Variants in ANK3 observed in about 807,000 individuals in gnomAD.
ANK3 encodes the protein ankyrin 3, also known as ankyrin-3.
In ANK3, 57 loss-of-function variants were observed where a neutral mutation model predicts 370.9. That is an observed-to-expected ratio of 0.15 (90% CI 0.12 to 0.19). The LOEUF is 0.19. Among genes scored for constraint, ANK3 ranks in the 10% least tolerant of loss-of-function variants. The probability of loss-of-function intolerance (pLI) is 1.00; values close to 1 mark genes in which losing one functional copy is unlikely to be tolerated. For missense variants in ANK3, 4,439 were observed against 5,302.1 expected, an observed-to-expected ratio of 0.84 and a Z score of 5.06; for synonymous variants, 1,929 against 1,946.3, an observed-to-expected ratio of 0.99 and a Z score of 0.23.
intron 1 of ANK3, among the ~76,000 whole-genome samples, chr10:60,365,298 A>G (rs2059243006): frequency 6.6e-6 from 1 of 152,112 alleles, no homozygotes; most frequent in African/African-American, 2.4e-5. Flanking sequence ...TTATGAAGTT[A>G]TAGATCCCCA....
intron 2 of ANK3, among the ~76,000 whole-genome samples, chr10:60,535,285 T>C (rs893772185): frequency 1.3e-5 from 2 of 152,072 alleles, no homozygotes; most frequent in South Asian, 2.1e-4. Flanking sequence ...ATGAGCCACA[T>C]CCAGAAAGGG....
chr10:60,107,894 G>C (rs1269042043), intron 27 of ANK3, among the ~76,000 whole-genome samples: 1 of 152,110 alleles, frequency 6.6e-6, no homozygotes, highest in Admixed American at 6.5e-5. Flanking sequence ...ATATTCAGAA[G>C]AAACATTTCA....
intron 1 of ANK3, among the ~76,000 whole-genome samples, chr10:60,668,621 G>A (rs546165124): frequency 6.6e-6 from 1 of 152,286 alleles, no homozygotes; most frequent in East Asian, 1.9e-4. Context: ...ACTGGGAGAT[G>A]GGAGGAAGTT....
intron 1 of ANK3, among the ~76,000 whole-genome samples, chr10:60,652,484 A>G (rs915294016): frequency 6.6e-6 from 1 of 152,062 alleles, no homozygotes. Flanking sequence ...TTATTAAGAA[A>G]AAGAACCTTA....
intron 2 of ANK3, among the ~76,000 whole-genome samples, chr10:60,558,297 T>C (rs554164776): frequency 3.3e-5 from 5 of 152,342 alleles, no homozygotes; most frequent in Admixed American, 6.5e-5. Flanking sequence ...AGGTATATTG[T>C]CTTAAAATAC....
At chr10:60,258,752 G>C (rs1476879652) in intron 7 of ANK3, among the ~76,000 whole-genome samples, 1 of 152,108 alleles carries the variant, frequency 6.6e-6, no homozygotes, top group East Asian at 1.9e-4. Context: ...GTGCTATAAA[G>C]AACTGCAAGA....
intron 1 of ANK3, among the ~76,000 whole-genome samples, chr10:60,707,911 A>G (rs1351891862): frequency 6.6e-5 from 10 of 152,092 alleles, no homozygotes; most frequent in Non-Finnish European, 1.3e-4. Context: ...AACAAAAAGG[A>G]AAAAAAGGGA....
chr10:60,664,302 C>T (rs1414483514), intron 1 of ANK3, among the ~76,000 whole-genome samples: 1 of 152,128 alleles, frequency 6.6e-6, no homozygotes, highest in African/African-American at 2.4e-5. Context: ...TATAATTGTA[C>T]ATGAAATAAT....
At chr10:60,652,940 C>T (rs559193225) in intron 1 of ANK3, among the ~76,000 whole-genome samples, 37 of 152,198 alleles carry the variant, frequency 2.4e-4, no homozygotes, top group Admixed American at 1.9e-3. Flanking sequence ...ACACCACTCA[C>T]GATGGTGAGC....
intron 2 of ANK3, among the ~76,000 whole-genome samples, chr10:60,429,325 A>AAAGG (rs1477966512): frequency 6.6e-6 from 1 of 152,160 alleles, no homozygotes; most frequent in African/African-American, 2.4e-5. Flanking sequence ...AGTAAGAAAG[A>AAAGG]AAGGAAGTAA....
At chr10:60,592,347 T>A (rs1001917192) in intron 2 of ANK3, among the ~76,000 whole-genome samples, 2 of 152,218 alleles carry the variant, frequency 1.3e-5, no homozygotes, top group Non-Finnish European at 2.9e-5. Context: ...GGACAATGAA[T>A]TAGACAGTAA....
chr10:60,358,957 A>G (rs1438029468), intron 1 of ANK3, among the ~76,000 whole-genome samples: 1 of 152,150 alleles, frequency 6.6e-6, no homozygotes, highest in Non-Finnish European at 1.5e-5. Flanking sequence ...CTTTCTAGTT[A>G]CTACCTACCC....
intron 43 of ANK3, among the ~76,000 whole-genome samples, chr10:60,031,405 G>A (rs568916244): frequency 6.6e-6 from 1 of 152,056 alleles, no homozygotes; most frequent in South Asian, 2.1e-4. Context: ...TTTGGCAGAG[G>A]TTTTCATACT....
At chr10:60,557,636 G>A (rs925472549) in intron 2 of ANK3, among the ~76,000 whole-genome samples, 1 of 152,076 alleles carries the variant, frequency 6.6e-6, no homozygotes, top group South Asian at 2.1e-4. Context: ...AATGTATTTT[G>A]CAATATAATA....
chr10:60,065,957 C>T (rs1233536551), intron 38 of ANK3, among the ~76,000 whole-genome samples: 1 of 152,006 alleles, frequency 6.6e-6, no homozygotes, highest in African/African-American at 2.4e-5. Context: ...TACAAATAAG[C>T]AGATTACATT....
At chr10:60,275,545 G>A (rs1466492790) in intron 4 of ANK3, among the ~76,000 whole-genome samples, 9 of 152,032 alleles carry the variant, frequency 5.9e-5, no homozygotes, top group African/African-American at 1.4e-4. Flanking sequence ...ATTCATATAC[G>A]TTACTAATTT....
At chr10:60,372,856 T>A (rs1244529028) in intron 1 of ANK3, among the ~76,000 whole-genome samples, 3 of 152,238 alleles carry the variant, frequency 2.0e-5, no homozygotes, top group Non-Finnish European at 2.9e-5. Flanking sequence ...TTAAAATAAA[T>A]GAAATCATCC....
At chr10:60,285,334 T>A (rs1230489826) in intron 1 of ANK3, among the ~76,000 whole-genome samples, 2 of 152,138 alleles carry the variant, frequency 1.3e-5, no homozygotes, top group African/African-American at 4.8e-5. Context: ...CTGGTGTAGG[T>A]TCACACTGAC....
chr10:60,469,073 A>ATATATATATATACCACTTTTAGTG (rs2065095772), intron 2 of ANK3, among the ~76,000 whole-genome samples: 1 of 22,436 alleles, frequency 4.5e-5, no homozygotes, highest in African/African-American at 1.6e-4. Flanking sequence ...TAGTATATAT[A>ATATATATATATACCACTTTTAGTG]TATATATATA....
Sources: gnomAD v4.1 joint callset for allele counts (sites outside exome capture counted in the v4.1 genomes callset) on GRCh38, gnomAD v4.1.1 for gene constraint, MANE v1.5 for transcripts, NCBI Gene and HGNC (gene_info 2026-07-23, HGNC 2026-07-21) for gene names.